RUNX1T1: variants seen among roughly 807,000 people sequenced by gnomAD.
RUNX1T1 encodes RUNX1 partner transcriptional co-repressor 1.
RUNX1T1 carries 4 observed loss-of-function variants against 62.8 expected under a neutral mutation model. The observed-to-expected ratio is 0.06, with a 90% CI of 0.03 to 0.15. The LOEUF (loss-of-function observed/expected upper bound fraction) is 0.15, where lower values mean the gene tolerates loss of function less well. Ranked by LOEUF, RUNX1T1 falls within the 10% of genes least tolerant of loss-of-function variation. RUNX1T1 has a pLI of 1.00. For synonymous variants in RUNX1T1, 291 were observed against 286.0 expected, an observed-to-expected ratio of 1.02 and a Z score of -0.18; for missense variants, 508 against 754.3, an observed-to-expected ratio of 0.67 and a Z score of 3.82.
intron 1 of RUNX1T1, among the ~76,000 whole-genome samples, chr8:92,091,548 C>T (rs996722773): frequency 7.9e-5 from 12 of 152,132 alleles, no homozygotes; most frequent in African/African-American, 2.7e-4. Flanking sequence ...TGTAAGGTAC[C>T]GTGGCTTCAA....
intron 8 of RUNX1T1, among the ~76,000 whole-genome samples, chr8:91,980,511 C>T (rs186178316): frequency 1.4e-3 from 218 of 152,270 alleles, no homozygotes; most frequent in African/African-American, 4.6e-3. Flanking sequence ...CTTTTCTAAT[C>T]TCTGTGCCTA....
chr8:92,063,398 A>AT (rs1460132040), upstream of RUNX1T1: 1 of 152,152 alleles, frequency 6.6e-6, no homozygotes, highest in African/African-American at 2.4e-5. Context: ...TCCATGGGAG[A>AT]TAAAAACAAA....
In RUNX1T1 at chr8:91,979,738, T is replaced by C. The variant is rs938356353; in HGVS notation, c.1199-3765A>G. On this transcript the variant is annotated intron_variant, in intron 8 of 10. Coordinates refer to ENST00000396218, the Ensembl canonical transcript of RUNX1T1. ...ATGTGAAAGAACAGAAAGAGCAATC[T>C]ATGATGTATGAAAGAGATGGAAGAT... 8.6e-6 allele frequency: 4 copies of C among 462,942 alleles called. No individual in the cohort carries two copies. In the Admixed American group the frequency reaches 1.0e-4, roughly 12 times the overall value. The allele number at this position is 462,942 out of a possible 1,614,324, so 28.7% of individuals were successfully genotyped here.
At chr8:92,102,985 A>C (rs1838111153), upstream of RUNX1T1, 2 of 1,326,216 alleles carry the variant, frequency 1.5e-6, no homozygotes, top group Non-Finnish European at 1.0e-6. The surrounding 1 kb of genome is among the most constrained non-coding windows in gnomAD (Gnocchi z 4.5). Flanking sequence ...GCGAGGCCAG[A>C]GTGTCCGCGG....
At chr8:91,970,509 T>G (rs147620963) in intron 10 of RUNX1T1, 149 bp downstream of exon 11, 2 of 661,998 alleles carry the variant, frequency 3.0e-6, no homozygotes, top group East Asian at 6.5e-5. Context: ...GATCAGCTCT[T>G]GGCAAATTTC....
intron 9 of RUNX1T1, 187 bp from the exon 11 acceptor site, chr8:91,971,035 T>C (rs1304137456): frequency 2.2e-6 from 1 of 453,634 alleles, no homozygotes; most frequent in Non-Finnish European, 3.9e-6. Context: ...CCAGCCACCA[T>C]GCCCACTATC....
At chr8:92,041,234 CAT>C (rs1304345425) in intron 1 of RUNX1T1, among the ~76,000 whole-genome samples, 36 of 86,784 alleles carry the variant, frequency 4.1e-4, no homozygotes, top group African/African-American at 2.0e-3. Context: ...AGCCAAGGGG[CAT>C]GCATGATTTC....
intron 5 of RUNX1T1, among the ~76,000 whole-genome samples, chr8:91,995,618 T>C (rs1586887634): frequency 6.6e-6 from 1 of 152,146 alleles, no homozygotes; most frequent in Non-Finnish European, 1.5e-5. Context: ...TGAGACCCTG[T>C]CTCTACAAAA....
intron 1 of RUNX1T1, among the ~76,000 whole-genome samples, chr8:92,034,428 G>A (rs2131337989): frequency 6.6e-6 from 1 of 152,202 alleles, no homozygotes; most frequent in Admixed American, 6.5e-5. Flanking sequence ...AAAAGTTGAG[G>A]CCTCTGGAAG....
intron 1 of RUNX1T1, among the ~76,000 whole-genome samples, chr8:92,086,216 A>G (rs1429733040): frequency 6.6e-6 from 1 of 152,222 alleles, no homozygotes; most frequent in Non-Finnish European, 1.5e-5. Context: ...CCTTAACTCC[A>G]TATGCTGTCA....
chr8:92,070,896 T>C (rs1042052480), intron 2 of RUNX1T1, among the ~76,000 whole-genome samples: 2 of 152,204 alleles, frequency 1.3e-5, no homozygotes, highest in Non-Finnish European at 2.9e-5. Context: ...CACTTTCCCC[T>C]GCCTTTGCAG....
upstream of RUNX1T1, among the ~76,000 whole-genome samples, chr8:92,064,882 G>A (rs544143121): frequency 3.9e-5 from 6 of 152,188 alleles, no homozygotes; most frequent in African/African-American, 1.4e-4. Context: ...GTGTAAAAAG[G>A]CTTTTTAAGC....
chr8:92,056,497 C>G (rs576751665), intron 1 of RUNX1T1, among the ~76,000 whole-genome samples: 1 of 152,174 alleles, frequency 6.6e-6, no homozygotes, highest in African/African-American at 2.4e-5. Flanking sequence ...AAAAGAATCC[C>G]TCTAATAAAG....
At chr8:92,001,289 G>A (rs1157739856) in intron 5 of RUNX1T1, among the ~76,000 whole-genome samples, 3 of 152,132 alleles carry the variant, frequency 2.0e-5, no homozygotes, top group Non-Finnish European at 4.4e-5. Flanking sequence ...CAACACTTTG[G>A]GAGGCCAAGG....
chr8:92,044,829 C>T (rs1829105034), intron 1 of RUNX1T1, among the ~76,000 whole-genome samples: 1 of 152,162 alleles, frequency 6.6e-6, no homozygotes, highest in Admixed American at 6.5e-5. Context: ...CAAAGTCCAA[C>T]TTCTTAACCA....
At chr8:92,089,602 C>T (rs563300866) in intron 1 of RUNX1T1, among the ~76,000 whole-genome samples, 2 of 152,202 alleles carry the variant, frequency 1.3e-5, no homozygotes, top group Admixed American at 1.3e-4. Flanking sequence ...CACCCCTAGG[C>T]GCTGAGTTCA....
chr8:92,026,808 C>T (rs1475355858), intron 1 of RUNX1T1, among the ~76,000 whole-genome samples: 2 of 150,694 alleles, frequency 1.3e-5, no homozygotes, highest in Admixed American at 6.6e-5. Flanking sequence ...GGCAAGAGAG[C>T]GAGACCCAGT....
chr8:91,955,637 C>A (rs1488141680), downstream of RUNX1T1: 1 of 225,856 alleles, frequency 4.4e-6, no homozygotes, highest in Non-Finnish European at 8.8e-6. Flanking sequence ...TCCCATGTAA[C>A]CAGCATTCAC....
chr8:92,068,105 GT>G (rs200984828), intron 2 of RUNX1T1, among the ~76,000 whole-genome samples: 3 of 151,362 alleles, frequency 2.0e-5, no homozygotes, highest in Non-Finnish European at 4.4e-5. Context: ...GTTAACTGCT[GT>G]TTTTTTTCAA....
Sources: gnomAD v4.1 joint callset for allele counts (sites outside exome capture counted in the v4.1 genomes callset) on GRCh38, gnomAD v4.1.1 for gene constraint, Gnocchi (gnomAD v3.1) non-coding constraint, MANE v1.5 for transcripts, NCBI Gene and HGNC (gene_info 2026-07-23, HGNC 2026-07-21) for gene names.